The following ANKRD13B variants were observed in gnomAD, a reference collection of about 807,000 sequenced individuals.
ANKRD13B encodes the protein ankyrin repeat domain-containing protein 13B.
A neutral mutation model predicts 74.4 loss-of-function variants in ANKRD13B; 33 were observed. The observed-to-expected ratio is 0.44, with a 90% CI of 0.34 to 0.59. The LOEUF is 0.59. Among genes scored for constraint, ANKRD13B ranks in the 20% least tolerant of loss-of-function variants. The pLI is 0.02. For missense variants in ANKRD13B, 676 were observed against 877.9 expected, an observed-to-expected ratio of 0.77 and a Z score of 2.91; for synonymous variants, 341 against 362.9, an observed-to-expected ratio of 0.94 and a Z score of 0.68.
chr17:29,599,873 T>TG (rs1361816626), intron 1 of ANKRD13B, among the ~76,000 whole-genome samples: 8 of 115,988 alleles, frequency 6.9e-5, no homozygotes, highest in African/African-American at 2.7e-4. Flanking sequence ...TTGTTTTTTT[T>TG]TTTTTTTTTT....
At position 29,609,059 on chromosome 17, in the gene ANKRD13B, C is replaced by T. The variant is rs371478891; in HGVS notation, c.566-27C>T. On this transcript the variant is annotated intron_variant, in intron 5 of 14. Transcript: ENST00000394859. This position sits in a 1 kb window ranked among gnomAD's most constrained non-coding sequence, Gnocchi z 4.0. ...GAGGCAGCCCCAGGCCACCCCTGAT[C>T]CCCCTGTGCTGTTCCGTGTCTGGCA... The T allele has an allele frequency of 1.6e-5, 26 of 1,611,914 alleles. No homozygotes were observed. The Admixed American group carries it at 4.3e-4, about 27-fold the overall frequency.
At chr17:29,601,904 C>T (rs1305949535) in intron 1 of ANKRD13B, among the ~76,000 whole-genome samples, 1 of 152,080 alleles carries the variant, frequency 6.6e-6, no homozygotes, top group Non-Finnish European at 1.5e-5. Flanking sequence ...TCTGTTCTTC[C>T]ATACATAATG....
rs1028501140 is a variant in ANKRD13B at position 29,611,155 on chromosome 17, G to T, written c.904+389G>T. Among the ~76,000 whole-genome samples, 3 of 152,146 alleles carry T rather than the reference G, an allele frequency of 2.0e-5. No individual in the cohort carries two copies. Among genetic ancestry groups the T allele is most frequent in the Non-Finnish European group, 4.4e-5 (3 of 68,034 alleles). On this transcript the variant is annotated intron_variant, in intron 8 of 14. Coordinates refer to ENST00000394859, the MANE Select transcript of ANKRD13B (RefSeq NM_152345.5). The surrounding 1 kb of genome is among the most constrained non-coding windows in gnomAD (Gnocchi z 4.3). ...ATTGATGCCACACCTGATTCTCTGG[G>T]TACCAGATACCGTGTCCGAGGTGAA...
intron 1 of ANKRD13B, among the ~76,000 whole-genome samples, chr17:29,595,677 C>T (rs921553969): frequency 6.6e-6 from 1 of 152,170 alleles, no homozygotes; most frequent in Non-Finnish European, 1.5e-5. Flanking sequence ...TTCACCCCTA[C>T]CCCTGCCCCA....
At position 29,612,424 on chromosome 17, in the gene ANKRD13B, C is replaced by T. The variant is rs1046390374; in HGVS notation, c.1281C>T (p.Leu427=). 3 of 1,611,782 alleles carry T rather than the reference C, an allele frequency of 1.9e-6. No homozygotes were observed. The highest frequency in any genetic ancestry group is 2.2e-5 in the South Asian group (2 of 90,622). The change falls in exon 12 of 15, where the codon CTC becomes CTT. Residue 427 remains leucine (L), a synonymous_variant. Transcript: ENST00000394859. The surrounding 1 kb of genome is among the most constrained non-coding windows in gnomAD (Gnocchi z 6.1). ...VKIEIPIFHI[L]NARITFGNLN... is the part of the protein sequence containing the mutation. ...CAGAAATCCCGATCTTCCACATCCT[C>T]AACGCCCGCATCACCTTCGGGAACC...
At position 29,608,750 on chromosome 17, in the gene ANKRD13B, C is replaced by G. The variant is rs547403874; in HGVS notation, c.422-101C>G. 2.8e-4 allele frequency: 419 copies of G among 1,485,850 alleles called. 6 individuals are homozygous for G. The highest frequency in any genetic ancestry group is 1.5e-5 in the Non-Finnish European group (16 of 1,095,456). The allele number at this position is 1,485,850 out of a possible 1,614,324, so 92.0% of individuals were successfully genotyped here. A position where few individuals can be genotyped will look rare whatever the true frequency, so the allele number is the denominator to read the frequency against. ...GGCTGCTCTCTCTTCAGTTCCCTCC[C>G]CTGTTCCTGGCCACACGGATCCCAA... On this transcript the variant is annotated intron_variant, in intron 4 of 14. Transcript: ENST00000394859. This position sits in a 1 kb window ranked among gnomAD's most constrained non-coding sequence, Gnocchi z 6.4.
In ANKRD13B at chr17:29,611,909, C is replaced by T; in HGVS notation, c.1003C>T (p.Pro335Ser). The change falls in exon 10 of 15, where the codon CCC becomes TCC. Residue 335 changes from proline to serine, a missense_variant. Pro to Ser is a moderately conservative substitution (Grantham distance 74, BLOSUM62 -1). Around this residue, in one of 4 missense-constraint regions of ANKRD13B, gnomAD observed 328 missense variants for 518.4 expected, o/e 0.63. Coordinates refer to ENST00000394859, the MANE Select transcript of ANKRD13B (RefSeq NM_152345.5). This position sits in a 1 kb window ranked among gnomAD's most constrained non-coding sequence, Gnocchi z 4.3. ...LITQTLSQANPTAITAEEYFN... is the reference protein window; with the variant it reads ...LITQTLSQANSTAITAEEYFN... ...CACTCAGACTCTGAGCCAAGCCAAC[C>T]CCACTGCCATCACTGCAGAAGAATA... 6.2e-7 allele frequency: 1 copy of T among 1,613,852 alleles called. No individual in the cohort carries two copies. Among genetic ancestry groups the T allele is most frequent in the South Asian group, 1.1e-5 (1 of 91,036 alleles).
intron 1 of ANKRD13B, among the ~76,000 whole-genome samples, chr17:29,594,760 G>T (rs948189682): frequency 1.2e-4 from 18 of 152,228 alleles, no homozygotes; most frequent in Admixed American, 9.2e-4. Context: ...TGGGCTGGGG[G>T]TGGTTAGCGC....
intron 1 of ANKRD13B, among the ~76,000 whole-genome samples, chr17:29,601,833 T>G (rs978445637): frequency 1.3e-5 from 2 of 152,198 alleles, no homozygotes; most frequent in Admixed American, 6.5e-5. Context: ...CTTTAAAGAT[T>G]TCATTATATT....
Position 29,612,035 on chromosome 17 carries a change from G to C in ANKRD13B, c.1100+29G>C, listed in dbSNP as rs758262349. On this transcript the variant is annotated intron_variant, in intron 10 of 14. Coordinates refer to ENST00000394859, the MANE Select transcript of ANKRD13B (RefSeq NM_152345.5). The surrounding 1 kb of genome is among the most constrained non-coding windows in gnomAD (Gnocchi z 6.1). ...AGGCCCCTGCCGGTGCTGGGAAGGT[G>C]GGGGGCCGGGGCTCCAGGAGATGCT... 37 of 1,608,098 alleles carry C rather than the reference G, an allele frequency of 2.3e-5. No homozygotes were observed. The Admixed American group carries it at 5.7e-4, about 25-fold the overall frequency.
At position 29,613,851 on chromosome 17, in the gene ANKRD13B, A is replaced by T; in HGVS notation, c.*269A>T. The T allele has an allele frequency of 2.0e-6, 1 of 507,716 alleles. No individual in the cohort carries two copies. The highest frequency in any genetic ancestry group is 3.3e-6 in the Non-Finnish European group (1 of 299,862). The allele number at this position is 507,716 out of a possible 1,614,324, so 31.5% of individuals were successfully genotyped here. On this transcript the variant is annotated 3_prime_UTR_variant, in exon 15 of 15. Coordinates refer to ENST00000394859, the MANE Select transcript of ANKRD13B (RefSeq NM_152345.5). The stretch of plus-strand genomic sequence containing the variant: ...CCCCAACCCGCTCCCCTGGGCTCAG[A>T]TCTGTCCTGTCCTAGGGCGGAGCCA...
In ANKRD13B at chr17:29,612,650, A is replaced by T; in HGVS notation, c.1412-2A>T. 1.3e-6 allele frequency: 2 copies of T among 1,542,308 alleles called. No homozygotes were observed. The highest frequency in any genetic ancestry group is 1.7e-6 in the Non-Finnish European group (2 of 1,150,324). ...TGCCTGACCCAGCCCCCGCGCCCCCAGCCTCCTGCCGCGGCTGCGAGATCT... is the reference window on the plus strand; with the variant it reads ...TGCCTGACCCAGCCCCCGCGCCCCCTGCCTCCTGCCGCGGCTGCGAGATCT... On this transcript the variant is annotated splice_acceptor_variant, in intron 12 of 14. Transcript: ENST00000394859. LOFTEE classifies it high-confidence loss of function. The surrounding 1 kb of genome is among the most constrained non-coding windows in gnomAD (Gnocchi z 6.1).
At chr17:29,602,085 A>G (rs539375893) in intron 1 of ANKRD13B, among the ~76,000 whole-genome samples, 1 of 152,338 alleles carries the variant, frequency 6.6e-6, no homozygotes, top group African/African-American at 2.4e-5. Flanking sequence ...AATTACTACA[A>G]ACTAGGTGGG....
chr17:29,610,268 C>G (rs1341531861), intron 7 of ANKRD13B, among the ~76,000 whole-genome samples: 2 of 151,144 alleles, frequency 1.3e-5, no homozygotes, highest in East Asian at 3.9e-4. Flanking sequence ...CAGGAACTAA[C>G]AAATGCCATG....
rs755888127 is a variant in ANKRD13B, at chr17:29,612,499, C to A, written c.1356C>A (p.Ser452Arg). ...CATCGGTGCGAGGCAGCCCCAGCAG[C>A]GAGACGCCTTCCCCAGGCAGCGACT... Reference protein sequence around the residue: ...PVPSVRGSPSSETPSPGSDSS... With the variant: ...PVPSVRGSPSRETPSPGSDSS... The change falls in exon 12 of 15, where the codon AGC becomes AGA. Residue 452 changes from serine (S) to arginine (R), a missense_variant. Ser to Arg is a moderately radical substitution (Grantham distance 110). This residue lies in a region of ANKRD13B where 152 missense variants were observed against 181.4 expected (regional missense o/e 0.84). Coordinates refer to ENST00000394859, the MANE Select transcript of ANKRD13B (RefSeq NM_152345.5). This position sits in a 1 kb window ranked among gnomAD's most constrained non-coding sequence, Gnocchi z 6.1. 2 of 1,584,966 alleles carry A rather than the reference C, an allele frequency of 1.3e-6. No homozygotes were observed. The highest frequency in any genetic ancestry group is 1.7e-6 in the Non-Finnish European group (2 of 1,165,592).
intron 1 of ANKRD13B, 156 bp downstream of exon 1, chr17:29,593,891 G>A (rs916265430): frequency 8.1e-6 from 1 of 124,216 alleles, no homozygotes; most frequent in African/African-American, 7.2e-5. Flanking sequence ...ACCGGGAAAG[G>A]GTGATCCCCT....
At chr17:29,610,630 A>G in intron 7 of ANKRD13B, 55 bp from the exon 8 acceptor site, 1 of 1,559,934 alleles carries the variant, frequency 6.4e-7, no homozygotes, top group Non-Finnish European at 8.8e-7. Flanking sequence ...CCTTAGGGGT[A>G]AGACACAGGG....
Position 29,593,382 on chromosome 17 carries a change from C to A in ANKRD13B, c.-240C>A. 6.8e-6 allele frequency: 1 copy of A among 147,222 alleles called. No individual in the cohort carries two copies. The highest frequency in any genetic ancestry group is 1.9e-4 in the South Asian group (1 of 5,378). The allele number at this position is 147,222 out of a possible 1,614,324, so 9.1% of individuals were successfully genotyped here. A position where few individuals can be genotyped will look rare whatever the true frequency, so the allele number is the denominator to read the frequency against. On this transcript the variant is annotated 5_prime_UTR_variant, in exon 1 of 15. Coordinates refer to ENST00000394859, the MANE Select transcript of ANKRD13B (RefSeq NM_152345.5). Reference sequence around the variant, plus strand: ...GCGCCGCCGAGTGCCCGCTCCCTCCCAGGGCGGGTGGGGGCCTCTCCGCGC... The same window carrying A: ...GCGCCGCCGAGTGCCCGCTCCCTCCAAGGGCGGGTGGGGGCCTCTCCGCGC...
At position 29,605,065 on chromosome 17, in the gene ANKRD13B, G is replaced by A. The variant is rs187069208; in HGVS notation, c.115-2677G>A. On this transcript the variant is annotated intron_variant, in intron 1 of 14. Coordinates refer to ENST00000394859, the MANE Select transcript of ANKRD13B (RefSeq NM_152345.5). ...TCTTACTGAGTTTCACTATACACAT[G>A]TGAAGTTTAGTATTCAGGAAGACTT... 1.2e-3 allele frequency among the ~76,000 whole-genome samples: 184 copies of A among 152,282 alleles called. 1 individual carries two copies. The highest frequency in any genetic ancestry group is 4.2e-3 in the African/African-American group (175 of 41,548).
Sources: gnomAD v4.1 joint callset for allele counts (sites outside exome capture counted in the v4.1 genomes callset) on GRCh38, gnomAD v4.1.1 for gene constraint, gnomAD v4.1.1 regional missense constraint, Gnocchi (gnomAD v3.1) non-coding constraint, MANE v1.5 for transcripts, NCBI Gene and HGNC (gene_info 2026-07-23, HGNC 2026-07-21) for gene names.